The following IGFL2 variants were observed in gnomAD, a reference collection of about 807,000 sequenced individuals.
IGFL2 encodes the protein IGF like family member 2.
IGFL2 carries 7 observed loss-of-function variants against 13.9 expected under a neutral mutation model. The ratio of observed to expected loss-of-function variants is 0.51; its 90% CI spans 0.29 to 0.95. The LOEUF (loss-of-function observed/expected upper bound fraction) is 0.95, where lower values mean the gene tolerates loss of function less well. Ranked by LOEUF, IGFL2 falls within the 40% of genes least tolerant of loss-of-function variation. The pLI is 0.08. For synonymous variants in IGFL2, 55 were observed against 55.8 expected (o/e 0.99, Z 0.07); for missense variants, 138 against 147.8 (o/e 0.93, Z 0.34).
chr19:46,109,402 C>T, the IGFL2 span, among the ~76,000 whole-genome samples: 1 of 151,902 alleles, frequency 6.6e-6, no homozygotes, highest in Non-Finnish European at 1.5e-5. Flanking sequence ...GCAAGCTCCA[C>T]CTCCCAGGTT....
intron 1 of IGFL2, among the ~76,000 whole-genome samples, chr19:46,156,099 G>A (rs2146867242): frequency 6.6e-6 from 1 of 152,252 alleles, no homozygotes; most frequent in Admixed American, 6.5e-5. Context: ...TTACAGGTGT[G>A]AGCCACCGTG....
chr19:46,201,967 TG>T, the IGFL2 span, among the ~76,000 whole-genome samples: 1 of 150,964 alleles, frequency 6.6e-6, no homozygotes, highest in Non-Finnish European at 1.5e-5. Flanking sequence ...CGGTTGTGAG[TG>T]GGGGAGGCGA....
Position 46,160,776 on chromosome 19 carries a change from G to A in IGFL2, c.236G>A (p.Cys79Tyr). The A allele has an allele frequency of 1.9e-6, 3 of 1,614,160 alleles. No homozygotes were observed. In the South Asian group the frequency reaches 3.3e-5, roughly 18 times the overall value. ...ACCTTCTGGCCCTGCTTTGAGCTCT[G>A]CTGTCTTGATTCCTTTGGCCTCACA... ...PCTFWPCFEL[C>Y]CLDSFGLTND... Residue 79 changes from cysteine to tyrosine, a missense_variant, in exon 3 of 4, where the codon TGC (cysteine) becomes TAC (tyrosine). By Grantham distance (194) the Cys-to-Tyr change is radical (BLOSUM62 -2). Transcript: ENST00000377693.
At chr19:46,190,564 A>T in the IGFL2 span, 2 of 152,226 alleles carry the variant, frequency 1.3e-5, no homozygotes, top group Non-Finnish European at 2.9e-5. Flanking sequence ...ATCTTAATAG[A>T]CGTAAAGTCA....
the IGFL2 span, among the ~76,000 whole-genome samples, chr19:46,107,102 G>C: frequency 1.3e-5 from 2 of 152,264 alleles, no homozygotes; most frequent in Middle Eastern, 6.8e-3. Context: ...GCACCAGAGT[G>C]GGGGAGTTTT....
the IGFL2 span, among the ~76,000 whole-genome samples, chr19:46,089,363 A>T: frequency 6.2e-4 from 94 of 152,312 alleles, no homozygotes; most frequent in African/African-American, 2.2e-3. Flanking sequence ...ATTATTTTTA[A>T]TAGTTTTTAA....
intron 1 of IGFL2, among the ~76,000 whole-genome samples, chr19:46,155,710 T>TC (rs1973785288): frequency 1.3e-5 from 2 of 151,894 alleles, no homozygotes; most frequent in Admixed American, 1.3e-4. Context: ...CAAGATACAT[T>TC]CCCCCCCAAT....
At chr19:46,105,948 T>G in the IGFL2 span, among the ~76,000 whole-genome samples, 1 of 152,140 alleles carries the variant, frequency 6.6e-6, no homozygotes, top group Non-Finnish European at 1.5e-5. Context: ...GGGTTGTTTT[T>G]TAAGGAATGG....
At chr19:46,182,056 G>T in the IGFL2 span, among the ~76,000 whole-genome samples, 1 of 151,916 alleles carries the variant, frequency 6.6e-6, no homozygotes, top group East Asian at 1.9e-4. Flanking sequence ...CATTATTTTT[G>T]AATGGTATTT....
At chr19:46,147,819 A>C (rs534443648), upstream of IGFL2, 7 of 156,688 alleles carry the variant, frequency 4.5e-5, no homozygotes, top group African/African-American at 1.7e-4. Flanking sequence ...CTCATAGTGC[A>C]GGTCTGGAGC....
chr19:46,105,437 A>G, the IGFL2 span, among the ~76,000 whole-genome samples: 2 of 152,202 alleles, frequency 1.3e-5, no homozygotes, highest in Non-Finnish European at 2.9e-5. Context: ...ACTGCCATCA[A>G]TAAACCAAGT....
chr19:46,104,147 G>A, the IGFL2 span, among the ~76,000 whole-genome samples: 2,019 of 152,318 alleles, frequency 0.013, 31 homozygotes, highest in Middle Eastern at 0.027. Context: ...TGGAAGACTG[G>A]AAGATAGTCG....
chr19:46,163,092 T>G (rs1974238022), downstream of IGFL2, among the ~76,000 whole-genome samples: 1 of 152,200 alleles, frequency 6.6e-6, no homozygotes, highest in South Asian at 2.1e-4. Context: ...GTTGACGCTT[T>G]GGGGTGTGAT....
the IGFL2 span, among the ~76,000 whole-genome samples, chr19:46,091,591 A>G: frequency 0.013 from 2,048 of 152,344 alleles, 31 homozygotes; most frequent in Middle Eastern, 0.027. Context: ...TATGTTTTGT[A>G]AGAAAGACTG....
the IGFL2 span, chr19:46,124,421 T>A: frequency 3.7e-6 from 5 of 1,349,962 alleles, no homozygotes; most frequent in Non-Finnish European, 5.2e-6. Flanking sequence ...GGTTTAAAGG[T>A]GGAGATTATC....
At chr19:46,092,813 T>C in the IGFL2 span, among the ~76,000 whole-genome samples, 1 of 152,102 alleles carries the variant, frequency 6.6e-6, no homozygotes, top group African/African-American at 2.4e-5. Flanking sequence ...TTATTGAAAT[T>C]GTTATTTTAT....
chr19:46,155,788 T>C (rs528134263), intron 1 of IGFL2, among the ~76,000 whole-genome samples: 13 of 152,354 alleles, frequency 8.5e-5, no homozygotes, highest in African/African-American at 3.1e-4. Flanking sequence ...GATAAATCAC[T>C]GATTGTCTGT....
At chr19:46,197,527 C>G in the IGFL2 span, among the ~76,000 whole-genome samples, 2 of 152,174 alleles carry the variant, frequency 1.3e-5, no homozygotes, top group East Asian at 1.9e-4. Flanking sequence ...TGTTCAGTCT[C>G]TCCCCCATCT....
the IGFL2 span, chr19:46,120,306 G>A: frequency 4.9e-5 from 79 of 1,610,500 alleles, 6 homozygotes; most frequent in East Asian, 2.9e-4. Context: ...CTTGTCTGCC[G>A]TCTGCCAGTG....
Sources: gnomAD v4.1 joint callset for allele counts (sites outside exome capture counted in the v4.1 genomes callset) on GRCh38, gnomAD v4.1.1 for gene constraint, MANE v1.5 for transcripts, NCBI Gene and HGNC (gene_info 2026-07-23, HGNC 2026-07-21) for gene names.